The following LRRIQ3 variants were observed in gnomAD, a reference collection of about 807,000 sequenced individuals.
LRRIQ3 encodes leucine rich repeats and IQ motif containing 3.
A neutral mutation model predicts 59.3 loss-of-function variants in LRRIQ3; 75 were observed. The observed-to-expected ratio is 1.26, with a 90% CI of 1.05 to 1.53. The LOEUF (loss-of-function observed/expected upper bound fraction) is 1.53. Among genes scored for constraint, LRRIQ3 ranks in the 40% most tolerant of loss-of-function variants. The probability of loss-of-function intolerance (pLI) is 0.00; values close to 1 mark genes in which losing one functional copy is unlikely to be tolerated. For missense variants in LRRIQ3, 831 were observed against 710.0 expected (o/e 1.17, Z -1.94); for synonymous variants, 250 against 231.3 (o/e 1.08, Z -0.73).
chr1:74,076,458 A>G (rs947323504), intron 5 of LRRIQ3, among the ~76,000 whole-genome samples: 6 of 152,130 alleles, frequency 3.9e-5, no homozygotes, highest in African/African-American at 1.4e-4. Context: ...ATTAGTTCTT[A>G]GTCCTAGTTT....
chr1:74,151,199 G>A (rs569274145), intron 4 of LRRIQ3, among the ~76,000 whole-genome samples: 1 of 151,712 alleles, frequency 6.6e-6, no homozygotes, highest in South Asian at 2.1e-4. Flanking sequence ...TGTATTTTTA[G>A]TAGAGACGGG....
rs574308969 is a variant in LRRIQ3, at chr1:74,095,428, G to A, written c.867+13966C>T. Among the ~76,000 whole-genome samples, 71 of 151,808 alleles carry A rather than the reference G, an allele frequency of 4.7e-4. 1 individual carries two copies. Among genetic ancestry groups the A allele is most frequent in the Admixed American group, 2.0e-3 (30 of 15,220 alleles). On this transcript the variant is annotated intron_variant, in intron 5 of 7. Transcript: ENST00000354431. ...GAACTGTTCATGTAAATTTTTACTC[G>A]TGTCTCTACATACATATCCATAACA...
intron 3 of LRRIQ3, among the ~76,000 whole-genome samples, chr1:74,160,167 T>G (rs1467131281): frequency 6.6e-6 from 1 of 152,064 alleles, no homozygotes; most frequent in Non-Finnish European, 1.5e-5. Flanking sequence ...TTTGCTATTT[T>G]AATCCCGTTT....
At position 74,131,731 on chromosome 1, in the gene LRRIQ3, T is replaced by A. The variant is rs1557631123; in HGVS notation, c.708-22178A>T. Among the ~76,000 whole-genome samples the A allele has an allele frequency of 2.0e-5, 3 of 152,074 alleles. No individual in the cohort carries two copies. The South Asian group carries it at 6.2e-4, about 32-fold the overall frequency. On this transcript the variant is annotated intron_variant, in intron 4 of 7. Coordinates refer to ENST00000354431, the MANE Select transcript of LRRIQ3 (RefSeq NM_001105659.2). ...GGTATTGATGAGATGTATCTCAAAA[T>A]AATAAAGAGCTATTTATGACAAACC...
chr1:74,096,820 C>T (rs1315965605), intron 5 of LRRIQ3, among the ~76,000 whole-genome samples: 2 of 152,112 alleles, frequency 1.3e-5, no homozygotes, highest in East Asian at 3.9e-4. Context: ...CCACTCCAGA[C>T]CCTATTTGCC....
chr1:74,144,580 A>C (rs1333744757), intron 4 of LRRIQ3: 1 of 279,696 alleles, frequency 3.6e-6, no homozygotes, highest in Non-Finnish European at 7.4e-6. Flanking sequence ...CAGCAAAAAA[A>C]ACCATTTACC....
intron 5 of LRRIQ3, chr1:74,084,072 C>T: frequency 9.0e-7 from 1 of 1,106,006 alleles, no homozygotes; most frequent in East Asian, 2.7e-5. Flanking sequence ...GTGTGTACAG[C>T]TGATATCCCT....
chr1:74,077,123 T>G (rs1646218531), intron 5 of LRRIQ3, among the ~76,000 whole-genome samples: 2 of 152,066 alleles, frequency 1.3e-5, no homozygotes, highest in Admixed American at 1.3e-4. Context: ...TGGCACTATT[T>G]TGCAATTCCA....
Position 74,198,166 on chromosome 1 carries a change from G to C in LRRIQ3, c.-171C>G. ...TCCGGGCGCCAGCCAAGGCGCTCCG[G>C]GGGCGTGGTTACGTGGGCGACGCAC... On this transcript the variant is annotated 5_prime_UTR_variant, in exon 1 of 8. Coordinates refer to ENST00000354431, the MANE Select transcript of LRRIQ3 (RefSeq NM_001105659.2). The C allele has an allele frequency of 6.6e-7, 1 of 1,521,262 alleles. No homozygotes were observed. The highest frequency in any genetic ancestry group is 8.8e-7 in the Non-Finnish European group (1 of 1,136,604). The allele number at this position is 1,521,262 out of a possible 1,614,324, so 94.2% of individuals were successfully genotyped here.
intron 4 of LRRIQ3, among the ~76,000 whole-genome samples, chr1:74,147,479 C>A (rs1483721517): frequency 1.3e-5 from 2 of 152,144 alleles, no homozygotes; most frequent in Non-Finnish European, 2.9e-5. Context: ...GGTTGCTACC[C>A]TGACAATCAT....
At chr1:74,099,268 C>G (rs1212654812) in intron 5 of LRRIQ3, among the ~76,000 whole-genome samples, 1 of 152,118 alleles carries the variant, frequency 6.6e-6, no homozygotes, top group Non-Finnish European at 1.5e-5. Flanking sequence ...TCAGAGAATA[C>G]TATAAACACC....
intron 6 of LRRIQ3, among the ~76,000 whole-genome samples, chr1:74,068,556 T>C (rs1654932319): frequency 6.6e-6 from 1 of 152,014 alleles, no homozygotes; most frequent in South Asian, 2.1e-4. Flanking sequence ...TTCAAACATA[T>C]CTGATTTAAA....
chr1:74,047,574 CAGAAATTAA>C (rs1654243133), intron 6 of LRRIQ3, among the ~76,000 whole-genome samples: 1 of 151,686 alleles, frequency 6.6e-6, no homozygotes, highest in South Asian at 2.1e-4. Context: ...ACATGTACCC[CAGAAATTAA>C]AGAAATTAAA....
At chr1:74,131,771 T>C (rs1464743057) in intron 4 of LRRIQ3, among the ~76,000 whole-genome samples, 1 of 152,158 alleles carries the variant, frequency 6.6e-6, no homozygotes, top group Non-Finnish European at 1.5e-5. Flanking sequence ...GCCAATATCA[T>C]ACTGAATGGG....
At chr1:74,093,633 C>T (rs1258444810) in intron 5 of LRRIQ3, among the ~76,000 whole-genome samples, 1 of 152,092 alleles carries the variant, frequency 6.6e-6, no homozygotes, top group Non-Finnish European at 1.5e-5. Context: ...GTACTTCCAT[C>T]TCACATGAAT....
chr1:74,050,022 C>T (rs761993873), intron 6 of LRRIQ3, among the ~76,000 whole-genome samples: 100 of 150,804 alleles, frequency 6.6e-4, no homozygotes, highest in Non-Finnish European at 1.0e-3. Context: ...CTCCCGGATT[C>T]AAGCAATTCT....
chr1:74,187,378 ACAC>A (rs1412154141), intron 1 of LRRIQ3, among the ~76,000 whole-genome samples: 1 of 151,542 alleles, frequency 6.6e-6, no homozygotes, highest in African/African-American at 2.4e-5. Context: ...ACACACACAC[ACAC>A]ACCATGGAAT....
intron 6 of LRRIQ3, among the ~76,000 whole-genome samples, chr1:74,045,173 G>A (rs953338396): frequency 6.6e-6 from 1 of 151,990 alleles, no homozygotes; most frequent in African/African-American, 2.4e-5. Context: ...GAAAATTTCA[G>A]GCCACTATCC....
Position 74,124,380 on chromosome 1 carries a change from T to C in LRRIQ3, c.708-14827A>G, listed in dbSNP as rs1006856505. On this transcript the variant is annotated intron_variant, in intron 4 of 7. Transcript: ENST00000354431. ...CTTTAACTTTATGTGATCCCATTTG[T>C]CTAATTTTGTTTGGTTGCCTGTGCT... 5.3e-5 allele frequency among the ~76,000 whole-genome samples: 8 copies of C among 152,040 alleles called. No homozygotes were observed. In the South Asian group the frequency reaches 1.7e-3, roughly 31 times the overall value.
Sources: gnomAD v4.1 joint callset for allele counts (sites outside exome capture counted in the v4.1 genomes callset) on GRCh38, gnomAD v4.1.1 for gene constraint, MANE v1.5 for transcripts, NCBI Gene and HGNC (gene_info 2026-07-23, HGNC 2026-07-21) for gene names.